The following DMD variants were observed in gnomAD, a reference collection of about 807,000 sequenced individuals.
The protein encoded by DMD is mutant dystrophin.
Under a neutral mutation model 330.1 loss-of-function variants are expected in DMD, and 63 were observed. That is an observed-to-expected ratio of 0.19 (90% CI 0.16 to 0.24). The LOEUF is 0.24. Ranked by LOEUF, DMD falls within the 10% of genes least tolerant of loss-of-function variation. The pLI, the probability that DMD is intolerant of heterozygous loss-of-function variation, is 1.00. For synonymous variants in DMD, 1,223 were observed against 959.8 expected (o/e 1.27, Z -5.07); for missense variants, 3,344 against 2,684.1 (o/e 1.25, Z -5.43).
Position 32,645,073 on chromosome X carries a change from G to A in DMD, c.1040C>T (p.Ala347Val), listed in dbSNP as rs1436551211. Residue 347 changes from alanine (A) to valine (V), a missense_variant, in exon 10 of 79, where the codon GCT becomes GTT. Physicochemically the swap from Ala to Val is moderately conservative, Grantham distance 64 (BLOSUM62 0). Transcript: ENST00000357033. ...SEVNLDRYQTALEEVLSWLLS... is the reference protein window; with the variant it reads ...SEVNLDRYQTVLEEVLSWLLS... ...AAGCCACGATAATACTTCTTCTAAAGCTGTTTGATAACGGTCCAGGTTTAC... is the reference window on the plus strand; with the variant it reads ...AAGCCACGATAATACTTCTTCTAAAACTGTTTGATAACGGTCCAGGTTTAC... 3 of 1,211,418 alleles carry A rather than the reference G, an allele frequency of 2.5e-6. No individual in the cohort carries two copies. In the East Asian group the frequency reaches 8.9e-5, roughly 36 times the overall value.
intron 7 of DMD, among the ~76,000 whole-genome samples, chrX:32,720,272 G>A (rs886137500): frequency 6.3e-5 from 7 of 110,719 alleles, no homozygotes; most frequent in African/African-American, 9.8e-5. Context: ...GCATTTTAAC[G>A]GTCTAATACC....
intron 44 of DMD, among the ~76,000 whole-genome samples, chrX:31,995,124 A>C (rs958857871): frequency 1.8e-5 from 2 of 111,622 alleles, no homozygotes; most frequent in Non-Finnish European, 3.8e-5. Context: ...GAAGTTCCAA[A>C]TTCTCTCTGT....
intron 9 of DMD, among the ~76,000 whole-genome samples, chrX:32,692,712 G>A (rs1021744643): frequency 1.2e-4 from 13 of 111,797 alleles, no homozygotes; most frequent in Non-Finnish European, 1.7e-4. Flanking sequence ...TTAACTTGCC[G>A]AACTCTATAC....
chrX:31,623,729 G>C (rs1443766994), intron 55 of DMD, among the ~76,000 whole-genome samples: 4 of 111,296 alleles, frequency 3.6e-5, no homozygotes, highest in South Asian at 7.8e-4. Context: ...ATTAGGGAAG[G>C]GAGTGATTTG....
At chrX:32,167,079 C>G (rs140691864) in intron 44 of DMD, among the ~76,000 whole-genome samples, 1 of 111,450 alleles carries the variant, frequency 9.0e-6, no homozygotes, top group Non-Finnish European at 1.9e-5. Flanking sequence ...ATTTTCTGAC[C>G]GGGTTCACTT....
At chrX:32,576,253 C>T (rs376009210) in intron 13 of DMD, among the ~76,000 whole-genome samples, 18 of 111,486 alleles carry the variant, frequency 1.6e-4, no homozygotes, top group African/African-American at 5.2e-4. Context: ...TTTCTTTCTT[C>T]GCAATTTCAC....
chrX:32,687,347 A>G (rs1300627952), intron 9 of DMD, among the ~76,000 whole-genome samples: 2 of 112,016 alleles, frequency 1.8e-5, no homozygotes, highest in African/African-American at 3.2e-5. Flanking sequence ...GATGGATACA[A>G]TATGTTTCAT....
chrX:31,379,256 C>T (rs1054945879), intron 60 of DMD, among the ~76,000 whole-genome samples: 6 of 111,286 alleles, frequency 5.4e-5, no homozygotes, highest in East Asian at 2.8e-4. Flanking sequence ...TCCTCACACC[C>T]GGTCCGGCTT....
intron 60 of DMD, among the ~76,000 whole-genome samples, chrX:31,431,523 G>A (rs1445635048): frequency 9.0e-6 from 1 of 110,920 alleles, no homozygotes; most frequent in African/African-American, 3.3e-5. Flanking sequence ...TCAGCCTCCC[G>A]AGTAGCTGAG....
intron 55 of DMD, among the ~76,000 whole-genome samples, chrX:31,584,540 T>G (rs142087194): frequency 2.6e-3 from 286 of 111,624 alleles, no homozygotes; most frequent in African/African-American, 8.9e-3. Flanking sequence ...CTATTCACAA[T>G]AGCAAAGACA....
intron 55 of DMD, among the ~76,000 whole-genome samples, chrX:31,510,822 T>C (rs1297033113): frequency 1.8e-5 from 2 of 111,021 alleles, no homozygotes; most frequent in Admixed American, 1.9e-4. Context: ...ATTGCTCTTT[T>C]CACTTCTCAT....
intron 34 of DMD, among the ~76,000 whole-genome samples, 174 bp downstream of exon 34, chrX:32,380,336 T>C (rs1364406935): frequency 8.9e-6 from 1 of 111,818 alleles, no homozygotes; most frequent in African/African-American, 3.3e-5. Flanking sequence ...TGCTAAAGCT[T>C]ACCATTGGTT....
At chrX:32,352,993 T>G (rs760655392) in intron 37 of DMD, among the ~76,000 whole-genome samples, 61 of 111,274 alleles carry the variant, frequency 5.5e-4, no homozygotes, top group African/African-American at 1.8e-3. Context: ...TGCCTTTTAT[T>G]TTATACAGGA....
rs2097361938 is a variant in DMD, at chrX:32,270,652, T to C, written c.6290+16877A>G. ...AGAGAACGCTAGTTATAAATCTGGG[T>C]CTTAAGAACCATCATGTGTTTCTGC... On this transcript the variant is annotated intron_variant, in intron 43 of 78. Coordinates refer to ENST00000357033, the MANE Select transcript of DMD (RefSeq NM_004006.3). 4.5e-5 allele frequency among the ~76,000 whole-genome samples: 5 copies of C among 111,323 alleles called. No individual in the cohort carries two copies. The Admixed American group carries it at 4.8e-4, about 11-fold the overall frequency.
In DMD at chrX:32,343,155, G is replaced by A; in HGVS notation, c.5718C>T (p.Pro1906=). ...IEKKLASLPE[P]RDERKIKEID... ...TTACCTTTATTTTCCTTTCATCTCT[G>A]GGCTCAGGTAGGCTGGCTAATTTTT... Residue 1906 remains proline (P), a synonymous_variant, in exon 40 of 79, where the codon CCC becomes CCT. Transcript: ENST00000357033. 8.3e-7 allele frequency: 1 copy of A among 1,210,327 alleles called. No individual in the cohort carries two copies. The highest frequency in any genetic ancestry group is 1.1e-6 in the Non-Finnish European group (1 of 894,775).
At position 32,757,771 on chromosome X, in the gene DMD, G is replaced by A. The variant is rs141789242; in HGVS notation, c.649+51722C>T. On this transcript the variant is annotated intron_variant, in intron 7 of 78. Coordinates refer to ENST00000357033, the MANE Select transcript of DMD (RefSeq NM_004006.3). ...TTATAAATTACCTAGTCTTTGGTAC[G>A]CCTTTATTAGCAGCATGAGAACAGA... is the stretch of plus-strand genomic sequence containing the variant. Among the ~76,000 whole-genome samples the A allele has an allele frequency of 4.0e-3, 448 of 111,708 alleles. 5 individuals are homozygous for A. The highest frequency in any genetic ancestry group is 0.028 in the Admixed American group (294 of 10,511).
At chrX:31,630,968 A>G (rs2079104862) in intron 54 of DMD, among the ~76,000 whole-genome samples, 1 of 111,922 alleles carries the variant, frequency 8.9e-6, no homozygotes, top group Admixed American at 9.5e-5. Context: ...ATGTGATTTC[A>G]AAAGGTTTTC....
At position 31,408,052 on chromosome X, in the gene DMD, G is replaced by T. The variant is rs760709495; in HGVS notation, c.9084+36429C>A. ...CGATTTAATGATGATAGCGTAACCT[G>T]CAATCATTCATATATGAGAGAAGGC... On this transcript the variant is annotated intron_variant, in intron 60 of 78. Transcript: ENST00000357033. 4.4e-5 allele frequency among the ~76,000 whole-genome samples: 5 copies of T among 112,430 alleles called. No homozygotes were observed. The South Asian group carries it at 1.1e-3, about 25-fold the overall frequency.
intron 2 of DMD, among the ~76,000 whole-genome samples, chrX:32,908,557 T>G (rs1477286611): frequency 8.9e-6 from 1 of 112,065 alleles, no homozygotes; most frequent in Non-Finnish European, 1.9e-5. Flanking sequence ...GAATTTAAAA[T>G]GATTTTAAGT....
Sources: allele counts gnomAD v4.1 joint callset (sites outside exome capture counted in the v4.1 genomes callset), GRCh38; gene constraint gnomAD v4.1.1; transcripts MANE v1.5; gene names NCBI Gene and HGNC (gene_info 2026-07-23, HGNC 2026-07-21).